KDELR3: variants seen among roughly 807,000 people sequenced by gnomAD.
The protein encoded by KDELR3 is ER lumen protein-retaining receptor 3.
In KDELR3, 26 loss-of-function variants were observed where a neutral mutation model predicts 22.7. The observed-to-expected ratio is 1.15, with a 90% CI of 0.84 to 1.59. The LOEUF is 1.59. Among genes scored for constraint, KDELR3 ranks in the 40% most tolerant of loss-of-function variants. The pLI is 0.00. For missense variants in KDELR3, 289 were observed against 251.1 expected (o/e 1.15, Z -1.02); for synonymous variants, 120 against 98.2 (o/e 1.22, Z -1.31).
chr22:38,470,067 A>G (rs2089515396), intron 1 of KDELR3, among the ~76,000 whole-genome samples: 1 of 146,908 alleles, frequency 6.8e-6, no homozygotes. Flanking sequence ...TGATTCACCC[A>G]CCTCGGCCTC....
intron 1 of KDELR3, among the ~76,000 whole-genome samples, chr22:38,468,942 C>T (rs573077251): frequency 5.3e-5 from 8 of 152,306 alleles, no homozygotes; most frequent in Non-Finnish European, 8.8e-5. Context: ...GCTGGACTCG[C>T]GGTCGCCAAC....
chr22:38,475,893 C>A (rs560748744), intron 2 of KDELR3, among the ~76,000 whole-genome samples: 1 of 152,178 alleles, frequency 6.6e-6, no homozygotes, highest in Non-Finnish European at 1.5e-5. Flanking sequence ...CTCGACCTCC[C>A]AAAGTGCTGG....
At chr22:38,481,986 C>G (rs980854200) in intron 4 of KDELR3, among the ~76,000 whole-genome samples, 1 of 152,210 alleles carries the variant, frequency 6.6e-6, no homozygotes, top group Non-Finnish European at 1.5e-5. Flanking sequence ...TGTTGGGCCA[C>G]AAAGCCATCC....
chr22:38,468,426 C>T, intron 1 of KDELR3, 102 bp downstream of exon 1: 1 of 933,308 alleles, frequency 1.1e-6, no homozygotes. Flanking sequence ...AGGGTGGGGA[C>T]TCCGGCGTGG....
rs372505402 is a variant in KDELR3 at position 38,479,609 on chromosome 22, G to A, written c.209G>A (p.Cys70Tyr). Reference protein sequence around the residue: ...NTVMKVVFLLCAYVTVYMIYG... With the variant: ...NTVMKVVFLLYAYVTVYMIYG... ...CCCTTTTAGGTGGTTTTTCTCCTCT[G>A]TGCCTATGTTACAGTGTACATGATA... The change falls in exon 3 of 5, where the codon TGT becomes TAT. Residue 70 changes from cysteine (C) to tyrosine (Y), a missense_variant. Cys to Tyr is a radical substitution (Grantham distance 194, BLOSUM62 -2). Transcript: ENST00000216014. 3 of 1,613,600 alleles carry A rather than the reference G, an allele frequency of 1.9e-6. No homozygotes were observed. The highest frequency in any genetic ancestry group is 1.3e-5 in the African/African-American group (1 of 74,882).
At chr22:38,476,509 C>T (rs759132861) in intron 2 of KDELR3, among the ~76,000 whole-genome samples, 17 of 151,484 alleles carry the variant, frequency 1.1e-4, no homozygotes, top group Non-Finnish European at 2.2e-4. Flanking sequence ...TGAGCCATTG[C>T]GCCCGGCCAG....
In KDELR3 at chr22:38,474,626, G is replaced by A. The variant is rs767627216; in HGVS notation, c.192+3G>A. Reference sequence around the variant, plus strand: ...CCATCTACAACACAGTAATGAAGGTGAGGGGCTGGGTGATGATGGTTGGGG... The same window carrying A: ...CCATCTACAACACAGTAATGAAGGTAAGGGGCTGGGTGATGATGGTTGGGG... On this transcript the variant is annotated splice_donor_region_variant and intron_variant, in intron 2 of 4. Coordinates refer to ENST00000216014, the MANE Select transcript of KDELR3 (RefSeq NM_006855.4). 3.1e-6 allele frequency: 5 copies of A among 1,610,060 alleles called. No homozygotes were observed. Among genetic ancestry groups the A allele is most frequent in the Non-Finnish European group, 4.3e-6 (5 of 1,176,458 alleles).
Position 38,474,579 on chromosome 22 carries a change from G to C in KDELR3, c.148G>C (p.Asp50His). Residue 50 changes from aspartate to histidine, a missense_variant, in exon 2 of 5, where the codon GAC (aspartate) becomes CAC (histidine). By Grantham distance (81) the Asp-to-His change is moderately conservative (BLOSUM62 -1). Transcript: ENST00000216014. ...TCTCGTCTTCACCACCAGGTACCTGGACCTGTTCACCAACTTCATCTCCAT... is the reference window on the plus strand; with the variant it reads ...TCTCGTCTTCACCACCAGGTACCTGCACCTGTTCACCAACTTCATCTCCAT... ...FALVFTTRYL[D>H]LFTNFISIYN... 1 of 1,614,004 alleles carries C rather than the reference G, an allele frequency of 6.2e-7. No homozygotes were observed.
chr22:38,474,536 G>C lies in KDELR3; in HGVS notation c.105G>C (p.Lys35Asn). ...RSKCCKGISG[K>N]SQILFALVFT... The stretch of plus-strand genomic sequence containing the variant: ...CCTTGGCCACAGGCATCTCTGGGAA[G>C]AGCCAGATCCTGTTTGCTCTCGTCT... The change falls in exon 2 of 5, where the codon AAG becomes AAC. Residue 35 changes from lysine to asparagine, a missense_variant. Transcript: ENST00000216014. 1 of 1,613,932 alleles carries C rather than the reference G, an allele frequency of 6.2e-7. No homozygotes were observed. Among genetic ancestry groups the C allele is most frequent in the Non-Finnish European group, 8.5e-7 (1 of 1,179,952 alleles).
At chr22:38,481,022 GA>G (rs537216751) in intron 3 of KDELR3, among the ~76,000 whole-genome samples, 189 bp from the exon 4 acceptor site, 5 of 149,916 alleles carry the variant, frequency 3.3e-5, no homozygotes, top group Admixed American at 1.3e-4. Flanking sequence ...TCAAAAATTA[GA>G]AAAAAAAACC....
intron 2 of KDELR3, among the ~76,000 whole-genome samples, chr22:38,474,885 C>T (rs148987222): frequency 6.6e-6 from 1 of 151,314 alleles, no homozygotes; most frequent in African/African-American, 2.4e-5. Flanking sequence ...TGGAGACCAT[C>T]CTGGCTAACA....
At chr22:38,481,747 C>T in intron 4 of KDELR3, 6 of 1,002,226 alleles carry the variant, frequency 6.0e-6, no homozygotes, top group Non-Finnish European at 8.2e-6. Context: ...AGCCCCAAGG[C>T]AACCACCAGC....
chr22:38,478,920 G>C (rs1410814480), intron 2 of KDELR3, among the ~76,000 whole-genome samples: 1 of 152,026 alleles, frequency 6.6e-6, no homozygotes, highest in East Asian at 1.9e-4. Context: ...TGGGATTACA[G>C]GTGTGAGCCT....
intron 1 of KDELR3, among the ~76,000 whole-genome samples, chr22:38,472,013 A>G (rs2089528252): frequency 6.6e-6 from 1 of 151,936 alleles, no homozygotes; most frequent in African/African-American, 2.4e-5. Flanking sequence ...CTGGAACCAG[A>G]GGGATGGTTA....
chr22:38,470,639 C>T (rs1006599934), intron 1 of KDELR3, among the ~76,000 whole-genome samples: 1 of 152,142 alleles, frequency 6.6e-6, no homozygotes, highest in African/African-American at 2.4e-5. Context: ...CACTCCTCCC[C>T]TTGACTCGCT....
Position 38,468,295 on chromosome 22 carries a change from G to C in KDELR3, c.62G>C (p.Gly21Ala). The change falls in exon 1 of 5, where the codon GGG becomes GCG. Residue 21 changes from glycine to alanine, a missense_variant. Coordinates refer to ENST00000216014, the MANE Select transcript of KDELR3 (RefSeq NM_006855.4). ...CTCCTGGCCATGATCTTGCTGCTGG[G>C]GAAGATCTGGAGGTCCAAGTGCTGC... Reference protein sequence around the residue: ...SHLLAMILLLGKIWRSKCCKG... With the variant: ...SHLLAMILLLAKIWRSKCCKG... The C allele has an allele frequency of 1.2e-6, 2 of 1,613,918 alleles. No homozygotes were observed. Among genetic ancestry groups the C allele is most frequent in the Non-Finnish European group, 1.7e-6 (2 of 1,179,936 alleles).
chr22:38,482,811 AT>A lies in KDELR3; in HGVS notation c.*276del. 2.2e-6 allele frequency: 1 copy of A among 448,308 alleles called. No homozygotes were observed. The highest frequency in any genetic ancestry group is 3.6e-5 in the East Asian group (1 of 27,708). 27.8% of individuals were successfully genotyped at this position (448,308 alleles called of 1,614,324 possible). ...AACCTTAAGGTGTCTTACCGACGAA[AT>A]AAAAAACATAAATGATTGTTCTCCA... On this transcript the variant is annotated 3_prime_UTR_variant, in exon 5 of 5. Transcript: ENST00000216014.
At chr22:38,471,172 G>A (rs1430806088) in intron 1 of KDELR3, among the ~76,000 whole-genome samples, 1 of 152,028 alleles carries the variant, frequency 6.6e-6, no homozygotes, top group Admixed American at 6.6e-5. Flanking sequence ...AAACAAAACT[G>A]AAGATCACAA....
intron 2 of KDELR3, among the ~76,000 whole-genome samples, chr22:38,475,146 A>G (rs915789583): frequency 7.9e-5 from 12 of 151,800 alleles, no homozygotes; most frequent in Non-Finnish European, 1.6e-4. Context: ...GGTTGGGAAC[A>G]TTAAATGAGA....
Sources: allele counts gnomAD v4.1 joint callset (sites outside exome capture counted in the v4.1 genomes callset), GRCh38; gene constraint gnomAD v4.1.1; transcripts MANE v1.5; gene names NCBI Gene and HGNC (gene_info 2026-07-23, HGNC 2026-07-21).